The following AGBL4 variants were observed in gnomAD, a reference collection of about 807,000 sequenced individuals.
AGBL4 encodes the protein AGBL carboxypeptidase 4.
In AGBL4, 58 loss-of-function variants were observed where a neutral mutation model predicts 66.4. That is an observed-to-expected ratio of 0.87 (90% CI 0.71 to 1.09). The LOEUF (loss-of-function observed/expected upper bound fraction) is 1.09, where lower values mean the gene tolerates loss of function less well. Among genes scored for constraint, AGBL4 ranks in the 50% least tolerant of loss-of-function variants. The probability of loss-of-function intolerance (pLI) is 0.00; values close to 1 mark genes in which losing one functional copy is unlikely to be tolerated. For synonymous variants in AGBL4, 234 were observed against 222.9 expected (o/e 1.05, Z -0.44); for missense variants, 579 against 631.0 (o/e 0.92, Z 0.88).
Position 49,543,370 on chromosome 1 carries a change from C to T in AGBL4, c.282+153943G>A, listed in dbSNP as rs146244182. Among the ~76,000 whole-genome samples the T allele has an allele frequency of 6.5e-3, 984 of 152,176 alleles. 11 individuals carry two copies. The highest frequency in any genetic ancestry group is 0.021 in the African/African-American group (868 of 41,530). Reference sequence around the variant, plus strand: ...TAGTCCCTTCTCTATTCCTTACAACCCTATCCTTTCACTTTGTTGTAGGTA... The same window carrying T: ...TAGTCCCTTCTCTATTCCTTACAACTCTATCCTTTCACTTTGTTGTAGGTA... On this transcript the variant is annotated intron_variant, in intron 3 of 13. Coordinates refer to ENST00000371839, the MANE Select transcript of AGBL4 (RefSeq NM_032785.4).
At chr1:49,708,855 C>T (rs537769733) in intron 2 of AGBL4, among the ~76,000 whole-genome samples, 220 of 152,268 alleles carry the variant, frequency 1.4e-3, no homozygotes, top group African/African-American at 4.8e-3. Context: ...CCACTCTAGA[C>T]GCTGTTTGCC....
chr1:49,761,355 C>A (rs1015483924), intron 2 of AGBL4, among the ~76,000 whole-genome samples: 6 of 152,016 alleles, frequency 3.9e-5, no homozygotes, highest in Non-Finnish European at 4.4e-5. Context: ...TTAAAAATCA[C>A]AGAATATATA....
intron 3 of AGBL4, among the ~76,000 whole-genome samples, chr1:49,552,613 C>A (rs1429254744): frequency 6.6e-6 from 1 of 152,302 alleles, no homozygotes; most frequent in Middle Eastern, 3.4e-3. Flanking sequence ...GGAGGCTCTC[C>A]CTCTCCCACC....
At chr1:49,207,537 C>CT (rs1553166392) in intron 4 of AGBL4, among the ~76,000 whole-genome samples, 18 of 117,060 alleles carry the variant, frequency 1.5e-4, no homozygotes, top group Non-Finnish European at 2.2e-4. Flanking sequence ...CTTTCTTTTT[C>CT]TTTCTTTTCT....
At chr1:49,531,521 T>C (rs1311183831) in intron 3 of AGBL4, among the ~76,000 whole-genome samples, 2 of 152,126 alleles carry the variant, frequency 1.3e-5, no homozygotes, top group African/African-American at 2.4e-5. Context: ...TTACAATAAT[T>C]GTGACTTTTT....
In AGBL4 at chr1:48,840,590, T is replaced by C. The variant is rs140419284; in HGVS notation, c.634+26601A>G. Among the ~76,000 whole-genome samples the C allele has an allele frequency of 7.4e-3, 1,123 of 152,186 alleles. 3 individuals carry two copies. Among genetic ancestry groups the C allele is most frequent in the Non-Finnish European group, 0.011 (763 of 67,990 alleles). On this transcript the variant is annotated intron_variant, in intron 6 of 13. Coordinates refer to ENST00000371839, the MANE Select transcript of AGBL4 (RefSeq NM_032785.4). ...AACACAAGCTATCACTACAGACCAA[T>C]TAGACTGGTGAGAATAAAATAAAAA...
chr1:49,753,703 GC>G (rs1651657916), intron 2 of AGBL4, among the ~76,000 whole-genome samples: 1 of 152,082 alleles, frequency 6.6e-6, no homozygotes, highest in Non-Finnish European at 1.5e-5. Context: ...TTTCAGGTAT[GC>G]CAATCAAATG....
intron 3 of AGBL4, among the ~76,000 whole-genome samples, chr1:49,684,351 C>A (rs1391442495): frequency 6.6e-6 from 1 of 152,096 alleles, no homozygotes. Flanking sequence ...GCATAAAGAT[C>A]TTTTTCACTT....
intron 3 of AGBL4, among the ~76,000 whole-genome samples, chr1:49,524,208 A>G (rs1476898214): frequency 6.6e-6 from 1 of 152,140 alleles, no homozygotes; most frequent in Non-Finnish European, 1.5e-5. Flanking sequence ...ATGAATAATA[A>G]TAATAAAGAA....
intron 6 of AGBL4, among the ~76,000 whole-genome samples, chr1:48,790,307 G>A (rs1446548816): frequency 2.0e-5 from 3 of 152,150 alleles, no homozygotes; most frequent in Non-Finnish European, 2.9e-5. Context: ...GAGAAAACTT[G>A]TGAGGGTTAC....
intron 11 of AGBL4, among the ~76,000 whole-genome samples, chr1:48,568,299 C>T (rs1158024219): frequency 6.6e-6 from 1 of 152,142 alleles, no homozygotes; most frequent in African/African-American, 2.4e-5. Flanking sequence ...TCTTCTCTCT[C>T]TCTCTCTCTC....
At chr1:49,845,173 T>C (rs1646105706) in intron 2 of AGBL4, 2 of 1,414,546 alleles carry the variant, frequency 1.4e-6, no homozygotes, top group East Asian at 4.6e-5. Flanking sequence ...ATGTCACAAA[T>C]GAGGAAAAGT....
intron 2 of AGBL4, among the ~76,000 whole-genome samples, chr1:49,794,572 CA>C (rs1644683991): frequency 1.3e-5 from 2 of 151,950 alleles, no homozygotes; most frequent in East Asian, 3.9e-4. Flanking sequence ...TTAACTGCCA[CA>C]AGTATTGAGA....
intron 1 of AGBL4, among the ~76,000 whole-genome samples, chr1:49,915,923 C>G (rs1415585450): frequency 6.6e-6 from 1 of 152,136 alleles, no homozygotes; most frequent in East Asian, 1.9e-4. Flanking sequence ...ATTTACTGTT[C>G]AGCAATATTC....
Position 49,288,814 on chromosome 1 carries a change from A to G in AGBL4, c.283-42950T>C, listed in dbSNP as rs1438792171. On this transcript the variant is annotated intron_variant, in intron 3 of 13. Transcript: ENST00000371839. ...AAGGGCAAGCCAAACATATACCTGA[A>G]TTGATATATTTGAAATTCAACCTCG... Among the ~76,000 whole-genome samples, 3 of 152,238 alleles carry G rather than the reference A, an allele frequency of 2.0e-5. No homozygotes were observed. In the East Asian group the frequency reaches 5.8e-4, roughly 29 times the overall value.
chr1:49,154,536 C>T (rs1331270272), intron 4 of AGBL4, among the ~76,000 whole-genome samples: 1 of 152,124 alleles, frequency 6.6e-6, no homozygotes, highest in Non-Finnish European at 1.5e-5. Flanking sequence ...ATAGCATTGT[C>T]TATTGGCTTT....
intron 11 of AGBL4, among the ~76,000 whole-genome samples, chr1:48,582,934 G>A (rs907568056): frequency 8.5e-5 from 13 of 152,154 alleles, no homozygotes; most frequent in South Asian, 4.1e-4. Flanking sequence ...TCTGTGGAGC[G>A]GCGGACACTA....
chr1:49,899,108 A>G (rs1007008021), intron 1 of AGBL4, among the ~76,000 whole-genome samples: 1 of 152,160 alleles, frequency 6.6e-6, no homozygotes, highest in Non-Finnish European at 1.5e-5. Context: ...TTGCACATTT[A>G]AAAATAACTA....
At chr1:48,683,548 CA>C (rs1414605734) in intron 6 of AGBL4, among the ~76,000 whole-genome samples, 2 of 151,386 alleles carry the variant, frequency 1.3e-5, no homozygotes, top group Non-Finnish European at 2.9e-5. Context: ...TGGGATGAGG[CA>C]AAACCACCAC....
Sources: gnomAD v4.1 joint callset for allele counts (sites outside exome capture counted in the v4.1 genomes callset) on GRCh38, gnomAD v4.1.1 for gene constraint, MANE v1.5 for transcripts, NCBI Gene and HGNC (gene_info 2026-07-23, HGNC 2026-07-21) for gene names.